The following WWOX variants were observed in gnomAD, a reference collection of about 807,000 sequenced individuals.
WWOX encodes WW domain-containing oxidoreductase.
In WWOX, 69 loss-of-function variants were observed where a neutral mutation model predicts 46.2. The observed-to-expected ratio is 1.49, with a 90% CI of 1.23 to 1.82. WWOX has a LOEUF of 1.82. Ranked by LOEUF, WWOX falls within the 40% of genes most tolerant of loss-of-function variation. WWOX has a pLI of 0.00. For missense variants in WWOX, 919 were observed against 542.6 expected, an observed-to-expected ratio of 1.69 and a Z score of -6.89; for synonymous variants, 359 against 202.6, an observed-to-expected ratio of 1.77 and a Z score of -6.56.
chr16:78,987,061 C>T (rs974633251), intron 8 of WWOX, among the ~76,000 whole-genome samples: 12 of 152,114 alleles, frequency 7.9e-5, no homozygotes, highest in African/African-American at 1.9e-4. Context: ...AAGGACACAG[C>T]GCCATGGTTA....
intron 8 of WWOX, among the ~76,000 whole-genome samples, chr16:78,971,663 G>T (rs940470917): frequency 6.6e-6 from 1 of 151,888 alleles, no homozygotes; most frequent in African/African-American, 2.4e-5. Context: ...ATTCCTTAGG[G>T]TTCCTTTTTT....
chr16:78,905,555 A>G (rs995523961), intron 8 of WWOX, among the ~76,000 whole-genome samples: 3 of 151,932 alleles, frequency 2.0e-5, no homozygotes, highest in Non-Finnish European at 4.4e-5. Context: ...TTAATTTTTT[A>G]TTTTTTGTAG....
At chr16:78,239,677 G>T (rs2151817375) in intron 5 of WWOX, among the ~76,000 whole-genome samples, 1 of 152,204 alleles carries the variant, frequency 6.6e-6, no homozygotes, top group Non-Finnish European at 1.5e-5. Flanking sequence ...TGGGTCTACA[G>T]TCACATGCCA....
At chr16:79,015,171 G>T (rs1340025794) in intron 8 of WWOX, among the ~76,000 whole-genome samples, 1 of 152,172 alleles carries the variant, frequency 6.6e-6, no homozygotes, top group African/African-American at 2.4e-5. Flanking sequence ...AGTTTCTGCA[G>T]TGTTCTAGGT....
At chr16:78,958,562 A>G (rs961804888) in intron 8 of WWOX, among the ~76,000 whole-genome samples, 8 of 152,224 alleles carry the variant, frequency 5.3e-5, no homozygotes, top group African/African-American at 1.7e-4. Flanking sequence ...CAGTTTCCAA[A>G]GTAAGCTGAA....
rs1023666141 is a variant in WWOX at position 78,773,420 on chromosome 16, G to A, written c.1056+340668G>A. On this transcript the variant is annotated intron_variant, in intron 8 of 8. Transcript: ENST00000566780. ...ATGGGTAAGTCATTGGCTGCAGAGC[G>A]CAGACATTTGGCTCCCCTCGGGACA... Among the ~76,000 whole-genome samples, 16 of 152,300 alleles carry A rather than the reference G, an allele frequency of 1.1e-4. No individual in the cohort carries two copies. The East Asian group carries it at 2.9e-3, about 28-fold the overall frequency.
At chr16:78,334,647 C>G (rs773009328) in intron 5 of WWOX, among the ~76,000 whole-genome samples, 1 of 151,774 alleles carries the variant, frequency 6.6e-6, no homozygotes. Context: ...TATTATAAAT[C>G]CAAGAATTAA....
At chr16:78,727,930 T>C (rs1386456070) in intron 8 of WWOX, among the ~76,000 whole-genome samples, 2 of 152,164 alleles carry the variant, frequency 1.3e-5, no homozygotes, top group Non-Finnish European at 2.9e-5. Context: ...TCATTTTTAC[T>C]GATATTTATC....
At chr16:78,946,286 C>G (rs2045946922) in intron 8 of WWOX, among the ~76,000 whole-genome samples, 1 of 152,068 alleles carries the variant, frequency 6.6e-6, no homozygotes, top group African/African-American at 2.4e-5. Flanking sequence ...CAACTCCCGG[C>G]TCCAGTGATT....
intron 8 of WWOX, among the ~76,000 whole-genome samples, chr16:78,718,022 G>A (rs2048605854): frequency 1.3e-5 from 2 of 150,504 alleles, no homozygotes; most frequent in South Asian, 2.1e-4. Context: ...AAAGCACAAT[G>A]GTATTAGCCT....
chr16:78,660,881 C>T (rs767032921), intron 8 of WWOX, among the ~76,000 whole-genome samples: 8 of 152,152 alleles, frequency 5.3e-5, no homozygotes, highest in Non-Finnish European at 5.9e-5. Context: ...TTAATAGTAT[C>T]TTGGAGATTA....
chr16:78,488,021 A>G (rs1017443726), intron 8 of WWOX, among the ~76,000 whole-genome samples: 4 of 152,164 alleles, frequency 2.6e-5, no homozygotes, highest in Admixed American at 2.6e-4. Context: ...TTCTAAAATA[A>G]GTGGAACTGG....
chr16:79,197,552 C>A (rs1168123362), intron 8 of WWOX, among the ~76,000 whole-genome samples: 2 of 152,006 alleles, frequency 1.3e-5, no homozygotes, highest in African/African-American at 2.4e-5. Flanking sequence ...GTCCTTTAAG[C>A]AAAGCAATTC....
intron 8 of WWOX, among the ~76,000 whole-genome samples, chr16:78,902,495 G>T (rs530583171): frequency 1.3e-5 from 2 of 152,226 alleles, no homozygotes; most frequent in African/African-American, 4.8e-5. Context: ...ATTTCACAAT[G>T]TCAGGCATCT....
intron 8 of WWOX, among the ~76,000 whole-genome samples, chr16:78,830,310 TTATATA>T (rs3085447): frequency 2.0e-5 from 3 of 151,700 alleles, no homozygotes; most frequent in African/African-American, 7.3e-5. Context: ...ATAAGCATAT[TTATATA>T]TATACACATA....
At chr16:78,635,852 A>G (rs1020828221) in intron 8 of WWOX, among the ~76,000 whole-genome samples, 2 of 152,144 alleles carry the variant, frequency 1.3e-5, no homozygotes, top group Admixed American at 6.5e-5. Flanking sequence ...TGCAGATATC[A>G]TTGGTGGCCA....
chr16:78,422,650 G>A (rs73572815), intron 6 of WWOX, among the ~76,000 whole-genome samples: 5,178 of 30,118 alleles, frequency 0.17, 607 homozygotes, highest in African/African-American at 0.32. Context: ...CCAGCCTCCT[G>A]TTTTTTTTAC....
intron 8 of WWOX, chr16:78,506,633 C>T (rs1478535220): frequency 1.3e-5 from 2 of 151,122 alleles, no homozygotes; most frequent in East Asian, 3.9e-4. Context: ...ATTACCTACC[C>T]AAGGTCTGGT....
intron 6 of WWOX, among the ~76,000 whole-genome samples, chr16:78,392,978 G>A (rs927916348): frequency 1.4e-4 from 21 of 152,090 alleles, no homozygotes; most frequent in African/African-American, 3.4e-4. Context: ...AGCAGCGGTC[G>A]TCGGCCAGTG....
Sources: allele counts gnomAD v4.1 joint callset (sites outside exome capture counted in the v4.1 genomes callset), GRCh38; gene constraint gnomAD v4.1.1; transcripts MANE v1.5; gene names NCBI Gene and HGNC (gene_info 2026-07-23, HGNC 2026-07-21).